TAF3: variants seen among roughly 807,000 people sequenced by gnomAD.
TAF3 encodes the protein TATA-box binding protein associated factor 3.
Under a neutral mutation model 80.6 loss-of-function variants are expected in TAF3, and 7 were observed. That is an observed-to-expected ratio of 0.09 (90% CI 0.05 to 0.16). The LOEUF (loss-of-function observed/expected upper bound fraction) is 0.16. TAF3 is among the 10% of genes least tolerant of loss of function. The probability of loss-of-function intolerance (pLI) is 1.00; values close to 1 mark genes in which losing one functional copy is unlikely to be tolerated. For synonymous variants in TAF3, 444 were observed against 446.1 expected (o/e 1.00, Z 0.06); for missense variants, 921 against 1,140.2 (o/e 0.81, Z 2.77).
rs1832034278 is a variant in TAF3 at position 8,009,671 on chromosome 10, G to A, written c.2568+341G>A. Among the ~76,000 whole-genome samples the A allele has an allele frequency of 6.6e-6, 1 of 151,626 alleles. No homozygotes were observed. The highest frequency in any genetic ancestry group is 2.4e-5 in the African/African-American group (1 of 41,236). ...AGTTTCGCTCTTATTGCCCAACCTG[G>A]AATGCGGTGGTGAGATCTCAGCTCA... On this transcript the variant is annotated intron_variant, in intron 5 of 6. Coordinates refer to ENST00000344293, the MANE Select transcript of TAF3 (RefSeq NM_031923.4). This position sits in a 1 kb window ranked among gnomAD's most constrained non-coding sequence, Gnocchi z 4.1.
intron 4 of TAF3, among the ~76,000 whole-genome samples, chr10:7,987,248 C>A (rs756878713): frequency 6.6e-6 from 1 of 151,974 alleles, no homozygotes; most frequent in Non-Finnish European, 1.5e-5. Flanking sequence ...CCTGGGAAAT[C>A]GAGGCTACAG....
chr10:7,846,715 A>T (rs1005495156), intron 2 of TAF3, among the ~76,000 whole-genome samples: 2 of 152,240 alleles, frequency 1.3e-5, no homozygotes, highest in Non-Finnish European at 2.9e-5. Flanking sequence ...CTAAGACATG[A>T]TGAGACTTCA....
chr10:7,868,554 T>A (rs1360954454), intron 2 of TAF3, among the ~76,000 whole-genome samples: 1 of 152,246 alleles, frequency 6.6e-6, no homozygotes, highest in Non-Finnish European at 1.5e-5. Flanking sequence ...ATGTGCCTTG[T>A]AGGCACACAA....
intron 2 of TAF3, among the ~76,000 whole-genome samples, chr10:7,909,635 G>A (rs889206044): frequency 1.2e-4 from 19 of 152,190 alleles, no homozygotes; most frequent in African/African-American, 3.9e-4. Flanking sequence ...ATGCTTGATA[G>A]CAATGAATCC....
In TAF3 at chr10:7,987,327, A is replaced by T. The variant is rs867161617; in HGVS notation, c.2315+10004A>T. On this transcript the variant is annotated intron_variant, in intron 4 of 6. Transcript: ENST00000344293. Reference sequence around the variant, plus strand: ...GTGAGAACCTGTCTCAAAAAAAAATAAAAAAAGAACTTAGAATTATCTTAC... The same window carrying T: ...GTGAGAACCTGTCTCAAAAAAAAATTAAAAAAGAACTTAGAATTATCTTAC... Among the ~76,000 whole-genome samples, 18 of 152,062 alleles carry T rather than the reference A, an allele frequency of 1.2e-4. No homozygotes were observed. The Middle Eastern group carries it at 0.01, about 86-fold the overall frequency.
chr10:7,920,967 G>A (rs1033435552), intron 2 of TAF3, among the ~76,000 whole-genome samples: 2 of 152,126 alleles, frequency 1.3e-5, no homozygotes, highest in Admixed American at 6.6e-5. Context: ...AGGTGGTTAG[G>A]GGTTGGGCCA....
chr10:8,015,824 T>C lies in TAF3; in HGVS notation c.*1073T>C, dbSNP rs1400836919. 1 of 151,840 alleles carries C rather than the reference T, an allele frequency of 6.6e-6. No individual in the cohort carries two copies. The highest frequency in any genetic ancestry group is 1.9e-4 in the East Asian group (1 of 5,198). The allele number at this position is 151,840 out of a possible 1,614,324, so 9.4% of individuals were successfully genotyped here. On this transcript the variant is annotated 3_prime_UTR_variant, in exon 7 of 7. Transcript: ENST00000344293. ...TTTTTGTAAATTTCTTTGACAGACT[T>C]TTACTAAAAGGACATGTAGTTTCCA...
chr10:7,962,684 A>C (rs933283328), intron 2 of TAF3, among the ~76,000 whole-genome samples: 2 of 152,186 alleles, frequency 1.3e-5, no homozygotes, highest in Non-Finnish European at 2.9e-5. Context: ...CAAACGCTGC[A>C]TAATTAATCA....
chr10:8,002,686 A>C (rs1452142702), intron 4 of TAF3, among the ~76,000 whole-genome samples: 1 of 152,148 alleles, frequency 6.6e-6, no homozygotes, highest in African/African-American at 2.4e-5. Context: ...ATTTTTTTTA[A>C]ATGTCCATAG....
intron 2 of TAF3, among the ~76,000 whole-genome samples, chr10:7,877,906 A>G (rs1490594534): frequency 6.6e-6 from 1 of 152,114 alleles, no homozygotes; most frequent in East Asian, 1.9e-4. Context: ...TAATTTCTAT[A>G]CTGTAACGGC....
intron 2 of TAF3, among the ~76,000 whole-genome samples, chr10:7,923,115 A>G (rs947652868): frequency 6.6e-6 from 1 of 152,116 alleles, no homozygotes; most frequent in Admixed American, 6.5e-5. Context: ...CTGTATTTAC[A>G]TTCTACTATG....
intron 1 of TAF3, among the ~76,000 whole-genome samples, chr10:7,823,698 G>C (rs1206224884): frequency 1.4e-5 from 2 of 148,082 alleles, no homozygotes; most frequent in Non-Finnish European, 3.0e-5. Flanking sequence ...GTAGTGGCAC[G>C]ATCTCGGCTC....
Position 8,014,631 on chromosome 10 carries a change from G to C in TAF3, c.2676-6G>C, listed in dbSNP as rs188835944. ...GTTGCTTATCTGAGCTTGTTTTCAC[G>C]TGCAGGCCCTGTGTTGGAATCATGA... On this transcript the variant is annotated splice_polypyrimidine_tract_variant and splice_region_variant and intron_variant, in intron 6 of 6. Transcript: ENST00000344293. The C allele has an allele frequency of 3.7e-6, 6 of 1,610,510 alleles. No individual in the cohort carries two copies. Among genetic ancestry groups the C allele is most frequent in the East Asian group, 2.2e-5 (1 of 44,816 alleles).
chr10:7,870,062 G>T lies in TAF3; in HGVS notation c.409+45502G>T, dbSNP rs1388280960. ...TAGATAATTAGGAGAAATGAAAACG[G>T]CTTGTATTAGTATACAAATAGTAAT... On this transcript the variant is annotated intron_variant, in intron 2 of 6. Coordinates refer to ENST00000344293, the MANE Select transcript of TAF3 (RefSeq NM_031923.4). Among the ~76,000 whole-genome samples the T allele has an allele frequency of 2.0e-5, 3 of 152,184 alleles. No individual in the cohort carries two copies. In the South Asian group the frequency reaches 6.2e-4, roughly 32 times the overall value.
At chr10:7,833,844 G>T in intron 2 of TAF3, 1 of 771,038 alleles carries the variant, frequency 1.3e-6, no homozygotes, top group East Asian at 4.3e-5. Context: ...TCCCTTCCTG[G>T]GGACCGAGGG....
chr10:7,945,372 G>C (rs12573264), intron 2 of TAF3, among the ~76,000 whole-genome samples: 1 of 152,160 alleles, frequency 6.6e-6, no homozygotes, highest in South Asian at 2.1e-4. Flanking sequence ...TTTCCCATTA[G>C]TGGATTAAAA....
intron 3 of TAF3, among the ~76,000 whole-genome samples, chr10:7,972,538 G>A (rs975619121): frequency 2.0e-5 from 3 of 152,122 alleles, no homozygotes. Context: ...TACAAACACT[G>A]TAATTACAGA....
intron 5 of TAF3, among the ~76,000 whole-genome samples, chr10:8,013,488 A>G (rs867275473): frequency 1.3e-5 from 2 of 152,208 alleles, no homozygotes; most frequent in Non-Finnish European, 2.9e-5. Flanking sequence ...GACTTACAAA[A>G]GAAAGCTTAG....
intron 4 of TAF3, among the ~76,000 whole-genome samples, chr10:8,003,034 G>T (rs1831958698): frequency 6.6e-6 from 1 of 151,988 alleles, no homozygotes; most frequent in South Asian, 2.1e-4. Flanking sequence ...CTCACTTTCA[G>T]CCCTTCTATT....
Sources: gnomAD v4.1 joint callset for allele counts (sites outside exome capture counted in the v4.1 genomes callset) on GRCh38, gnomAD v4.1.1 for gene constraint, Gnocchi (gnomAD v3.1) non-coding constraint, MANE v1.5 for transcripts, NCBI Gene and HGNC (gene_info 2026-07-23, HGNC 2026-07-21) for gene names.